The following ST8SIA1 variants were observed in gnomAD, a reference collection of about 807,000 sequenced individuals.
ST8SIA1 encodes the protein ST8 alpha-N-acetyl-neuraminide alpha-2,8-sialyltransferase 1.
A neutral mutation model predicts 35.9 loss-of-function variants in ST8SIA1; 16 were observed. The observed-to-expected ratio is 0.45, with a 90% confidence interval of 0.30 to 0.68. The LOEUF is 0.68. Ranked by LOEUF, ST8SIA1 falls within the 30% of genes least tolerant of loss-of-function variation. The probability of loss-of-function intolerance (pLI) is 0.09; values close to 1 mark genes in which losing one functional copy is unlikely to be tolerated. For missense variants in ST8SIA1, 383 were observed against 453.6 expected (o/e 0.84, Z 1.41); for synonymous variants, 170 against 169.6 (o/e 1.00, Z -0.02).
At chr12:22,207,580 C>T (rs1304635266) in intron 4 of ST8SIA1, among the ~76,000 whole-genome samples, 1 of 152,092 alleles carries the variant, frequency 6.6e-6, no homozygotes, top group Non-Finnish European at 1.5e-5. Flanking sequence ...AGTTTGAGCT[C>T]TGTCATACAA....
chr12:22,228,608 G>T (rs1029063167), intron 4 of ST8SIA1, among the ~76,000 whole-genome samples: 21 of 152,208 alleles, frequency 1.4e-4, no homozygotes, highest in African/African-American at 4.6e-4. Flanking sequence ...GCTAATCCTT[G>T]TAAGGGACAA....
intron 4 of ST8SIA1, among the ~76,000 whole-genome samples, chr12:22,219,557 G>T (rs1865273896): frequency 6.6e-6 from 1 of 152,146 alleles, no homozygotes; most frequent in Non-Finnish European, 1.5e-5. Flanking sequence ...CTTGCCTTTG[G>T]TTAGGTGACC....
chr12:22,296,056 T>TG (rs990481095), intron 1 of ST8SIA1, among the ~76,000 whole-genome samples: 5 of 152,130 alleles, frequency 3.3e-5, no homozygotes, highest in African/African-American at 4.8e-5. Flanking sequence ...TGGTCTGTTT[T>TG]GGGGGGCATA....
chr12:22,204,036 A>G (rs1474871153), intron 4 of ST8SIA1, among the ~76,000 whole-genome samples: 1 of 152,046 alleles, frequency 6.6e-6, no homozygotes, highest in Admixed American at 6.6e-5. Context: ...TTCTGCATCC[A>G]TCTCTCACCA....
At chr12:22,282,009 C>G (rs145620513) in intron 2 of ST8SIA1, among the ~76,000 whole-genome samples, 47 of 151,752 alleles carry the variant, frequency 3.1e-4, no homozygotes, top group Non-Finnish European at 6.0e-4. Context: ...GACCCTGTCT[C>G]AAAATAAAAT....
chr12:22,209,106 G>A (rs1865147758), intron 4 of ST8SIA1, among the ~76,000 whole-genome samples: 1 of 152,114 alleles, frequency 6.6e-6, no homozygotes, highest in Non-Finnish European at 1.5e-5. Flanking sequence ...TGTTAAACAT[G>A]ACTGCTTTAA....
chr12:22,254,010 C>T (rs1333866668), intron 3 of ST8SIA1, among the ~76,000 whole-genome samples: 2 of 152,082 alleles, frequency 1.3e-5, no homozygotes, highest in Non-Finnish European at 2.9e-5. Flanking sequence ...TTTTCCACTC[C>T]TAGACTGTTA....
At chr12:22,253,306 G>A (rs1865694019) in intron 3 of ST8SIA1, among the ~76,000 whole-genome samples, 1 of 152,142 alleles carries the variant, frequency 6.6e-6, no homozygotes, top group Non-Finnish European at 1.5e-5. Context: ...GTGCCTGAAG[G>A]TGGTTCAGGA....
intron 4 of ST8SIA1, among the ~76,000 whole-genome samples, chr12:22,238,764 T>C (rs1865505033): frequency 6.6e-6 from 1 of 152,244 alleles, no homozygotes; most frequent in African/African-American, 2.4e-5. Context: ...AAATAATGTA[T>C]GATAATAATT....
chr12:22,334,434 T>C lies in ST8SIA1; in HGVS notation c.-202A>G, dbSNP rs2135852376. ...TTTCAAATGCAACTTTTCCAAGGAT[T>C]TCTTTCTAGGGGAAGTGGCTGGGGG... On this transcript the variant is annotated 5_prime_UTR_variant, in exon 1 of 5. Coordinates refer to ENST00000396037, the MANE Select transcript of ST8SIA1 (RefSeq NM_003034.4). The C allele has an allele frequency of 1.7e-6, 1 of 595,802 alleles. No homozygotes were observed. Among genetic ancestry groups the C allele is most frequent in the South Asian group, 2.0e-5 (1 of 49,100 alleles). The allele number at this position is 595,802 out of a possible 1,614,324, so 36.9% of individuals were successfully genotyped here.
chr12:22,241,416 T>TTGCTCC (rs897093191), intron 4 of ST8SIA1, among the ~76,000 whole-genome samples: 1 of 152,070 alleles, frequency 6.6e-6, no homozygotes, highest in African/African-American at 2.4e-5. Context: ...TCGCTGTCTC[T>TTGCTCC]TGCTCCTGCT....
intron 4 of ST8SIA1, among the ~76,000 whole-genome samples, chr12:22,219,441 C>G (rs1402928467): frequency 6.6e-6 from 1 of 152,122 alleles, no homozygotes; most frequent in Non-Finnish European, 1.5e-5. Context: ...GGAGCACCAG[C>G]TGCACTTCAG....
intron 1 of ST8SIA1, among the ~76,000 whole-genome samples, chr12:22,313,783 C>T (rs538790451): frequency 2.0e-5 from 3 of 152,298 alleles, no homozygotes; most frequent in African/African-American, 7.2e-5. Flanking sequence ...GTGTTGCCAG[C>T]AGGAAGGTGC....
intron 4 of ST8SIA1, among the ~76,000 whole-genome samples, chr12:22,209,084 T>C (rs1865147329): frequency 6.6e-6 from 1 of 151,960 alleles, no homozygotes; most frequent in Non-Finnish European, 1.5e-5. Context: ...CTTAGCAAAA[T>C]CCATAAAAAA....
At chr12:22,292,252 T>C (rs1866185931) in intron 1 of ST8SIA1, among the ~76,000 whole-genome samples, 1 of 152,188 alleles carries the variant, frequency 6.6e-6, no homozygotes, top group South Asian at 2.1e-4. Flanking sequence ...AGAAATCATC[T>C]TTGATCCAAT....
intron 1 of ST8SIA1, among the ~76,000 whole-genome samples, chr12:22,301,473 C>G (rs565572174): frequency 6.6e-6 from 1 of 152,086 alleles, no homozygotes; most frequent in African/African-American, 2.4e-5. Flanking sequence ...TAAGTATACT[C>G]CTATAAATAA....
At chr12:22,248,907 T>A in intron 4 of ST8SIA1, 99 bp downstream of exon 4, 1 of 851,510 alleles carries the variant, frequency 1.2e-6, no homozygotes, top group South Asian at 1.7e-5. Flanking sequence ...GTTTTCCTCT[T>A]GATTTCCCAA....
Position 22,334,365 on chromosome 12 carries a change from C to G in ST8SIA1, c.-133G>C, listed in dbSNP as rs968234190. On this transcript the variant is annotated 5_prime_UTR_variant, in exon 1 of 5. Transcript: ENST00000396037. The stretch of plus-strand genomic sequence containing the variant: ...GTTCTCTTACTTGCAAACGCACGCA[C>G]GCTTCTTCGGCCCCGTCGGCCCCAA... 1.0e-5 allele frequency: 7 copies of G among 666,882 alleles called. No homozygotes were observed. The highest frequency in any genetic ancestry group is 8.7e-5 in the Admixed American group (3 of 34,306). The allele number at this position is 666,882 out of a possible 1,614,324, so 41.3% of individuals were successfully genotyped here.
intron 4 of ST8SIA1, among the ~76,000 whole-genome samples, chr12:22,240,978 CTTTTT>C (rs35021216): frequency 7.7e-6 from 1 of 130,450 alleles, no homozygotes; most frequent in Admixed American, 7.9e-5. Flanking sequence ...CATGCCAACT[CTTTTT>C]TTTTTTTTTT....
Sources: gnomAD v4.1 joint callset for allele counts (sites outside exome capture counted in the v4.1 genomes callset) on GRCh38, gnomAD v4.1.1 for gene constraint, MANE v1.5 for transcripts, NCBI Gene and HGNC (gene_info 2026-07-23, HGNC 2026-07-21) for gene names.